Variants in BRAF observed in about 807,000 individuals in gnomAD.
BRAF encodes the protein B-Raf proto-oncogene, serine/threonine kinase.
BRAF carries 16 observed loss-of-function variants against 104.6 expected under a neutral mutation model. The ratio of observed to expected loss-of-function variants is 0.15; its 90% CI spans 0.10 to 0.23. BRAF has a LOEUF of 0.23. BRAF is among the 10% of genes least tolerant of loss of function. The pLI is 1.00. For synonymous variants in BRAF, 310 were observed against 341.6 expected, an observed-to-expected ratio of 0.91 and a Z score of 1.02; for missense variants, 541 against 937.3, an observed-to-expected ratio of 0.58 and a Z score of 5.52.
At chr7:140,833,512 T>C (rs1807009423) in intron 3 of BRAF, among the ~76,000 whole-genome samples, 1 of 152,240 alleles carries the variant, frequency 6.6e-6, no homozygotes, top group Non-Finnish European at 1.5e-5. Flanking sequence ...TGGAAAGATA[T>C]GCTTAGTAAT....
At chr7:140,745,721 G>C (rs1797295314) in intron 17 of BRAF, among the ~76,000 whole-genome samples, 1 of 152,162 alleles carries the variant, frequency 6.6e-6, no homozygotes, top group Non-Finnish European at 1.5e-5. Context: ...TGAGAGCAGA[G>C]CCTGGGTTTT....
chr7:140,833,206 T>C (rs1043735947), intron 3 of BRAF, among the ~76,000 whole-genome samples: 1 of 152,044 alleles, frequency 6.6e-6, no homozygotes, highest in Non-Finnish European at 1.5e-5. Context: ...AACTTAATCA[T>C]TAGGTTGAGA....
At chr7:140,831,328 T>C (rs565327660) in intron 3 of BRAF, among the ~76,000 whole-genome samples, 1 of 152,212 alleles carries the variant, frequency 6.6e-6, no homozygotes, top group Non-Finnish European at 1.5e-5. Flanking sequence ...AAGTCTGGTA[T>C]ATTCCAGATG....
intron 3 of BRAF, among the ~76,000 whole-genome samples, chr7:140,828,544 T>G (rs908557890): frequency 6.6e-6 from 1 of 152,202 alleles, no homozygotes; most frequent in Non-Finnish European, 1.5e-5. Flanking sequence ...GTAAGTAATA[T>G]CAGAGTTTCC....
At chr7:140,904,991 A>G (rs1221935179) in intron 1 of BRAF, among the ~76,000 whole-genome samples, 5 of 152,216 alleles carry the variant, frequency 3.3e-5, no homozygotes, top group Admixed American at 1.3e-4. Context: ...TTTAATGAAA[A>G]TGGACAGAAA....
At chr7:140,835,069 A>C (rs906548202) in intron 2 of BRAF, 197 bp from the exon 3 acceptor site, 2 of 631,950 alleles carry the variant, frequency 3.2e-6, no homozygotes, top group Non-Finnish European at 2.7e-6. Flanking sequence ...GTTATTAGAC[A>C]CTACACTATA....
At chr7:140,762,505 C>A (rs1447665135) in intron 14 of BRAF, among the ~76,000 whole-genome samples, 1 of 149,628 alleles carries the variant, frequency 6.7e-6, no homozygotes, top group Non-Finnish European at 1.5e-5. Context: ...CAAACACATT[C>A]AAAAGCTAGC....
chr7:140,897,059 CTT>C (rs769606077), intron 1 of BRAF, among the ~76,000 whole-genome samples: 53 of 138,300 alleles, frequency 3.8e-4, no homozygotes, highest in Admixed American at 6.6e-4. Flanking sequence ...CAACCTAATT[CTT>C]TTTTTTTTTT....
rs148688085 is a variant in BRAF, at chr7:140,772,854, A to C, written c.1814+4058T>G. 9.9e-3 allele frequency among the ~76,000 whole-genome samples: 1,509 copies of C among 152,308 alleles called. 26 individuals are homozygous for C. The highest frequency in any genetic ancestry group is 0.034 in the African/African-American group (1,423 of 41,552). ...TAAACCATATAGTGTTTAACATAAT[A>C]GTTTTAAAACTTTTTTTGCTGAACA... On this transcript the variant is annotated intron_variant, in intron 14 of 19. Coordinates refer to ENST00000644969, the MANE Select transcript of BRAF (RefSeq NM_001374258.1).
In BRAF at chr7:140,720,135, C is replaced by T; in HGVS notation, c.*6359G>A. 1 of 1,061,008 alleles carries T rather than the reference C, an allele frequency of 9.4e-7. No individual in the cohort carries two copies. The highest frequency in any genetic ancestry group is 1.1e-6 in the Non-Finnish European group (1 of 876,652). The allele number at this position is 1,061,008 out of a possible 1,614,324, so 65.7% of individuals were successfully genotyped here. A position where few individuals can be genotyped will look rare whatever the true frequency, so the allele number is the denominator to read the frequency against. ...TGTTGATGAATGATCAAATTCAATC[C>T]CCTGATCAGTTGTATGATCCTATCT... On this transcript the variant is annotated 3_prime_UTR_variant, in exon 20 of 20. Transcript: ENST00000644969.
intron 19 of BRAF, chr7:140,731,638 G>A (rs1253813618): frequency 2.0e-5 from 3 of 152,274 alleles, no homozygotes; most frequent in African/African-American, 7.2e-5. Flanking sequence ...AACTATTAGA[G>A]TTTAGTATCT....
At position 140,871,944 on chromosome 7, in the gene BRAF, C is replaced by T. The variant is rs548681107; in HGVS notation, c.139-21732G>A. Among the ~76,000 whole-genome samples the T allele has an allele frequency of 4.2e-4, 64 of 152,182 alleles. No individual in the cohort carries two copies. The South Asian group carries it at 4.6e-3, about 11-fold the overall frequency. The stretch of plus-strand genomic sequence containing the variant: ...TACTAAATTGCACAGAGGCCAGACA[C>T]GGTGGCTCATGCCTGTAATCCTAGC... On this transcript the variant is annotated intron_variant, in intron 1 of 19. Coordinates refer to ENST00000644969, the MANE Select transcript of BRAF (RefSeq NM_001374258.1).
At position 140,722,926 on chromosome 7, in the gene BRAF, C is replaced by G; in HGVS notation, c.*3568G>C. On this transcript the variant is annotated 3_prime_UTR_variant, in exon 20 of 20. Coordinates refer to ENST00000644969, the MANE Select transcript of BRAF (RefSeq NM_001374258.1). ...AGCAACACATTTTTTTACAGTATTA[C>G]TGCTTAAATGTATAATGCCCTTTAG... 1.9e-6 allele frequency: 2 copies of G among 1,055,314 alleles called. No homozygotes were observed. The highest frequency in any genetic ancestry group is 2.3e-6 in the Non-Finnish European group (2 of 873,084). The allele number at this position is 1,055,314 out of a possible 1,614,324, so 65.4% of individuals were successfully genotyped here. A position where few individuals can be genotyped will look rare whatever the true frequency, so the allele number is the denominator to read the frequency against.
chr7:140,799,879 G>T lies in BRAF; in HGVS notation c.980+483C>A, dbSNP rs71645955. 3.1e-3 allele frequency: 897 copies of T among 294,062 alleles called. 12 individuals are homozygous for T. The highest frequency in any genetic ancestry group is 0.014 in the East Asian group (279 of 19,378). 18.2% of individuals were successfully genotyped at this position (294,062 alleles called of 1,614,324 possible). A position where few individuals can be genotyped will look rare whatever the true frequency, so the allele number is the denominator to read the frequency against. On this transcript the variant is annotated intron_variant, in intron 7 of 19. Coordinates refer to ENST00000644969, the MANE Select transcript of BRAF (RefSeq NM_001374258.1). ...TATACTTCTATACCTAATAAAAGATGAACTCAAGGTGTAGACTCAAAATGA... is the reference window on the plus strand; with the variant it reads ...TATACTTCTATACCTAATAAAAGATTAACTCAAGGTGTAGACTCAAAATGA...
At chr7:140,779,422 C>A (rs1407944897) in intron 12 of BRAF, among the ~76,000 whole-genome samples, 1 of 152,132 alleles carries the variant, frequency 6.6e-6, no homozygotes, top group African/African-American at 2.4e-5. Context: ...CACTTTTATA[C>A]ACAGGCTGAG....
chr7:140,899,424 T>G (rs1229794244), intron 1 of BRAF, among the ~76,000 whole-genome samples: 1 of 152,186 alleles, frequency 6.6e-6, no homozygotes, highest in Non-Finnish European at 1.5e-5. Flanking sequence ...TATCCTATTA[T>G]TTTCCAAAGG....
At chr7:140,810,322 A>G (rs2129049091) in intron 3 of BRAF, among the ~76,000 whole-genome samples, 1 of 152,300 alleles carries the variant, frequency 6.6e-6, no homozygotes, top group Non-Finnish European at 1.5e-5. Flanking sequence ...TAATCCCAAC[A>G]CTTTGGGAGG....
chr7:140,795,054 C>T (rs985237875), intron 7 of BRAF, among the ~76,000 whole-genome samples: 15 of 152,036 alleles, frequency 9.9e-5, no homozygotes, highest in Admixed American at 7.2e-4. Context: ...TTTTATCATG[C>T]CCATTATTGA....
In BRAF at chr7:140,721,739, T is replaced by C. The variant is rs577513010; in HGVS notation, c.*4755A>G. 9 of 1,508,926 alleles carry C rather than the reference T, an allele frequency of 6.0e-6. No individual in the cohort carries two copies. Among genetic ancestry groups the C allele is most frequent in the Non-Finnish European group, 7.9e-6 (9 of 1,135,286 alleles). The allele number at this position is 1,508,926 out of a possible 1,614,324, so 93.5% of individuals were successfully genotyped here. On this transcript the variant is annotated 3_prime_UTR_variant, in exon 20 of 20. Coordinates refer to ENST00000644969, the MANE Select transcript of BRAF (RefSeq NM_001374258.1). ...ACAATACATGGACTTTCTCTTTCAA[T>C]GGTGAGGAATGAAACAAGATACAAG... is the stretch of plus-strand genomic sequence containing the variant.
Sources: gnomAD v4.1 joint callset for allele counts (sites outside exome capture counted in the v4.1 genomes callset) on GRCh38, gnomAD v4.1.1 for gene constraint, MANE v1.5 for transcripts, NCBI Gene and HGNC (gene_info 2026-07-23, HGNC 2026-07-21) for gene names.